Variants in RARB observed in about 807,000 individuals in gnomAD.
RARB encodes HBV-activated protein.
Under a neutral mutation model 51.9 loss-of-function variants are expected in RARB, and 17 were observed. That is an observed-to-expected ratio of 0.33 (90% CI 0.22 to 0.49). RARB has a LOEUF of 0.49. RARB is among the 20% of genes least tolerant of loss of function. The pLI is 0.99. For missense variants in RARB, 369 were observed against 550.8 expected (o/e 0.67, Z 3.30); for synonymous variants, 215 against 195.4 (o/e 1.10, Z -0.84).
intron 5 of RARB, among the ~76,000 whole-genome samples, chr3:25,200,360 A>G (rs1701359305): frequency 6.6e-6 from 1 of 151,806 alleles, no homozygotes; most frequent in Admixed American, 6.6e-5. Flanking sequence ...TCAGATAAGT[A>G]GATTGCAAAA....
At chr3:25,563,906 T>C (rs1700373105) in intron 3 of RARB, among the ~76,000 whole-genome samples, 1 of 151,004 alleles carries the variant, frequency 6.6e-6, no homozygotes, top group Non-Finnish European at 1.5e-5. Context: ...AAGCTGAATA[T>C]AGAGAACTTT....
intron 5 of RARB, among the ~76,000 whole-genome samples, chr3:25,395,173 T>G (rs1707081698): frequency 6.6e-6 from 1 of 152,206 alleles, no homozygotes. Context: ...TTAGTTTCAC[T>G]GGATACAAAA....
Position 25,156,516 on chromosome 3 carries a change from C to CAAAA in RARB, c.-279-17575_-279-17572dup, listed in dbSNP as rs35710364. ...ATCACACAAATTCTAGCCCCAACTG[C>CAAAA]AAAAAAAAAAAAAAAAAAAAAAAAA... On this transcript the variant is annotated intron_variant, in intron 4 of 11. Coordinates refer to the RARB transcript ENST00000383772. 7.0e-4 allele frequency among the ~76,000 whole-genome samples: 40 copies of CAAAA among 56,826 alleles called. 2 individuals are homozygous for CAAAA. Among genetic ancestry groups the CAAAA allele is most frequent in the Middle Eastern group, 0.015 (1 of 68 alleles). The allele number at this position is 56,826 out of a possible 152,430, so 37.3% of individuals were successfully genotyped here.
At chr3:25,236,943 A>G (rs769755582) in intron 5 of RARB, among the ~76,000 whole-genome samples, 2 of 117,372 alleles carry the variant, frequency 1.7e-5, no homozygotes, top group Non-Finnish European at 3.7e-5. Flanking sequence ...TATTCTGATA[A>G]TTCTGTTCTC....
intron 3 of RARB, among the ~76,000 whole-genome samples, chr3:25,077,058 T>G (rs1282875576): frequency 1.3e-5 from 2 of 152,224 alleles, no homozygotes; most frequent in Non-Finnish European, 2.9e-5. Context: ...GCATCTAAAG[T>G]AGGGCAACTA....
At chr3:25,204,432 G>A (rs868113957) in intron 5 of RARB, among the ~76,000 whole-genome samples, 1 of 152,234 alleles carries the variant, frequency 6.6e-6, no homozygotes, top group Admixed American at 6.5e-5. Context: ...ACTCGTCAAA[G>A]TTATTCTCCG....
At chr3:25,396,288 A>T (rs979218708) in intron 5 of RARB, among the ~76,000 whole-genome samples, 8 of 152,142 alleles carry the variant, frequency 5.3e-5, no homozygotes, top group Non-Finnish European at 1.2e-4. Flanking sequence ...GAACTCTTTG[A>T]GGGTCCTTGG....
intron 2 of RARB, among the ~76,000 whole-genome samples, chr3:24,970,219 T>C (rs1210260226): frequency 6.6e-6 from 1 of 152,078 alleles, no homozygotes; most frequent in Admixed American, 6.6e-5. Flanking sequence ...CCACTGCTGA[T>C]TTAGAAGGAA....
At chr3:25,026,958 C>T (rs906096315) in intron 2 of RARB, among the ~76,000 whole-genome samples, 20 of 149,206 alleles carry the variant, frequency 1.3e-4, no homozygotes, top group East Asian at 4.1e-4. Context: ...TTTTCTTATT[C>T]ATATCATTTA....
intron 2 of RARB, among the ~76,000 whole-genome samples, chr3:24,984,556 A>T (rs1364928442): frequency 6.6e-6 from 1 of 152,220 alleles, no homozygotes; most frequent in Non-Finnish European, 1.5e-5. Context: ...AACCGAATAC[A>T]CAGAGAGTAG....
intron 2 of RARB, among the ~76,000 whole-genome samples, chr3:25,044,629 A>G (rs964896702): frequency 6.6e-6 from 1 of 152,216 alleles, no homozygotes; most frequent in African/African-American, 2.4e-5. Context: ...AAATATTTCT[A>G]GGGAAGTAAA....
intron 3 of RARB, among the ~76,000 whole-genome samples, chr3:25,530,096 T>C (rs1259443091): frequency 3.3e-5 from 5 of 152,206 alleles, no homozygotes; most frequent in Non-Finnish European, 5.9e-5. Flanking sequence ...CAGCTGTCTG[T>C]GGACTTCTCT....
chr3:25,068,615 C>G (rs1395403318), intron 3 of RARB, among the ~76,000 whole-genome samples: 1 of 152,038 alleles, frequency 6.6e-6, no homozygotes, highest in Non-Finnish European at 1.5e-5. Flanking sequence ...TTCTACTTGT[C>G]CATGATGATA....
At position 25,439,949 on chromosome 3, in the gene RARB, G is replaced by A. The variant is rs115607423; in HGVS notation, c.157+11061G>A. 4.2e-3 allele frequency among the ~76,000 whole-genome samples: 633 copies of A among 152,262 alleles called. 4 individuals carry two copies. Among genetic ancestry groups the A allele is most frequent in the African/African-American group, 0.014 (591 of 41,574 alleles). Reference sequence around the variant, plus strand: ...GTACCCTGCAGTGTGATACAGTGAGGTTGGGTAGACATTCTTCGTGCACTG... The same window carrying A: ...GTACCCTGCAGTGTGATACAGTGAGATTGGGTAGACATTCTTCGTGCACTG... On this transcript the variant is annotated intron_variant, in intron 1 of 7. Transcript: ENST00000330688.
chr3:25,332,680 A>G (rs968648604), intron 5 of RARB, among the ~76,000 whole-genome samples: 23 of 152,220 alleles, frequency 1.5e-4, no homozygotes, highest in Non-Finnish European at 2.4e-4. Flanking sequence ...GGCCAGGGCA[A>G]TCAGGCAGGA....
chr3:25,418,800 A>G (rs973121705), intron 5 of RARB, among the ~76,000 whole-genome samples: 1 of 152,146 alleles, frequency 6.6e-6, no homozygotes, highest in African/African-American at 2.4e-5. Flanking sequence ...TTCTGGCCAA[A>G]CTGACTCAGA....
At position 25,582,637 on chromosome 3, in the gene RARB, T is replaced by G. The variant is rs374777466; in HGVS notation, c.786+1915T>G. Among the ~76,000 whole-genome samples the G allele has an allele frequency of 7.9e-5, 12 of 152,088 alleles. No homozygotes were observed. In the East Asian group the frequency reaches 1.9e-3, roughly 25 times the overall value. On this transcript the variant is annotated intron_variant, in intron 5 of 7. Coordinates refer to ENST00000330688, the MANE Select transcript of RARB (RefSeq NM_000965.5). ...GATCAGGGTGCAGTCTCCACAAGAT[T>G]TAAATCCCCTTCCTCAATTTAGAAA...
intron 2 of RARB, among the ~76,000 whole-genome samples, chr3:25,037,319 G>A (rs1698018442): frequency 6.7e-6 from 1 of 149,734 alleles, no homozygotes; most frequent in African/African-American, 2.5e-5. Context: ...TTTAGTCGCT[G>A]TTCTTCTTAA....
intron 2 of RARB, among the ~76,000 whole-genome samples, chr3:25,027,256 G>T (rs1282371599): frequency 2.0e-5 from 3 of 152,126 alleles, no homozygotes; most frequent in African/African-American, 7.2e-5. Flanking sequence ...GTTTGGAAGG[G>T]GGAGCGAGTT....
Sources: allele counts gnomAD v4.1 joint callset (sites outside exome capture counted in the v4.1 genomes callset), GRCh38; gene constraint gnomAD v4.1.1; transcripts MANE v1.5; gene names NCBI Gene and HGNC (gene_info 2026-07-23, HGNC 2026-07-21).